Variants in HELZ observed in about 807,000 individuals in gnomAD.
HELZ encodes ATP-dependent RNA helicase with zinc finger domain.
A neutral mutation model predicts 218.2 loss-of-function variants in HELZ; 23 were observed. The observed-to-expected ratio is 0.11, with a 90% confidence interval of 0.08 to 0.15. HELZ has a LOEUF of 0.15. Ranked by LOEUF, HELZ falls within the 10% of genes least tolerant of loss-of-function variation. The probability of loss-of-function intolerance (pLI) is 1.00; values close to 1 mark genes in which losing one functional copy is unlikely to be tolerated. For missense variants in HELZ, 1,813 were observed against 2,353.7 expected (o/e 0.77, Z 4.75); for synonymous variants, 814 against 829.4 (o/e 0.98, Z 0.32).
At chr17:67,089,668 T>TATATAGAGAGAGAGAGAG (rs71293575) in intron 31 of HELZ, among the ~76,000 whole-genome samples, 14 of 70,638 alleles carry the variant, frequency 2.0e-4, no homozygotes, top group African/African-American at 3.0e-4. Context: ...TATATATATA[T>TATATAGAGAGAGAGAGAG]AGAGAGAGAG....
chr17:67,124,122 A>T, intron 24 of HELZ, 108 bp from the exon 25 acceptor site: 1 of 713,188 alleles, frequency 1.4e-6, no homozygotes. Context: ...AATAATTAAA[A>T]TCTAAAAACT....
At chr17:67,164,350 G>A (rs1046570790) in intron 15 of HELZ, among the ~76,000 whole-genome samples, 8 of 152,208 alleles carry the variant, frequency 5.3e-5, no homozygotes. Flanking sequence ...GAGAGCATAT[G>A]AGCTGGACTC....
At chr17:67,242,224 T>C (rs2041332014) in intron 2 of HELZ, among the ~76,000 whole-genome samples, 1 of 152,184 alleles carries the variant, frequency 6.6e-6, no homozygotes, top group Non-Finnish European at 1.5e-5. Context: ...GAGACCAGCC[T>C]GACCAACATG....
intron 3 of HELZ, among the ~76,000 whole-genome samples, chr17:67,225,841 A>C (rs2040874432): frequency 6.6e-6 from 1 of 152,236 alleles, no homozygotes; most frequent in African/African-American, 2.4e-5. Flanking sequence ...AAAATCGATA[A>C]ATTTTATCAA....
intron 7 of HELZ, among the ~76,000 whole-genome samples, chr17:67,195,852 C>CTTTTTTTTTTTT (rs1238942016): frequency 1.2e-5 from 1 of 84,852 alleles, no homozygotes; most frequent in Non-Finnish European, 2.3e-5. Context: ...TTTTTTTTTT[C>CTTTTTTTTTTTT]TTTTTTTTTT....
rs1486661887 is a variant in HELZ, at chr17:67,167,744, C to T, written c.1483G>A (p.Val495Ile). Residue 495 changes from valine to isoleucine, a missense_variant, in exon 14 of 33, where the codon GTT (valine) becomes ATT (isoleucine). By Grantham distance (29) the Val-to-Ile change is conservative (BLOSUM62 3). Coordinates refer to ENST00000358691, the MANE Select transcript of HELZ (RefSeq NM_014877.4). ...QILASFMLTG[V>I]SGGAKYAQNG... is the part of the protein sequence containing the mutation. ...TGAGCATACTTTGCACCTCCAGAAA[C>T]ACCAGTGAGCATGAAGCTTGCCAGA... 6.2e-7 allele frequency: 1 copy of T among 1,613,996 alleles called. No homozygotes were observed. The highest frequency in any genetic ancestry group is 1.1e-5 in the South Asian group (1 of 91,064).
At chr17:67,163,404 C>CTTTTT (rs5821487) in intron 15 of HELZ, among the ~76,000 whole-genome samples, 3 of 151,950 alleles carry the variant, frequency 2.0e-5, no homozygotes, top group Non-Finnish European at 2.9e-5. Flanking sequence ...AACTTAGTAT[C>CTTTTT]TTTTTCTTTT....
At chr17:67,237,460 A>G (rs2041214271) in intron 3 of HELZ, among the ~76,000 whole-genome samples, 1 of 152,182 alleles carries the variant, frequency 6.6e-6, no homozygotes, top group African/African-American at 2.4e-5. Context: ...TAACTTGCTG[A>G]CTTAGCAGTG....
chr17:67,151,981 T>C (rs1393183783), intron 17 of HELZ, among the ~76,000 whole-genome samples: 1 of 152,174 alleles, frequency 6.6e-6, no homozygotes, highest in Non-Finnish European at 1.5e-5. Context: ...TTGTGAGCAA[T>C]CCTTGGGTTT....
chr17:67,202,660 T>C (rs1252630329), intron 6 of HELZ, among the ~76,000 whole-genome samples: 2 of 152,186 alleles, frequency 1.3e-5, no homozygotes, highest in East Asian at 1.9e-4. Flanking sequence ...ATGAAATAAA[T>C]TGTTGAATTT....
chr17:67,094,008 A>G (rs1390080562), intron 31 of HELZ, among the ~76,000 whole-genome samples: 1 of 152,162 alleles, frequency 6.6e-6, no homozygotes, highest in African/African-American at 2.4e-5. Context: ...ATTTACCCAT[A>G]TAACAAACCT....
At chr17:67,185,886 C>T (rs2039740218) in intron 12 of HELZ, among the ~76,000 whole-genome samples, 2 of 152,126 alleles carry the variant, frequency 1.3e-5, no homozygotes, top group Admixed American at 1.3e-4. Flanking sequence ...ATATCCTTGT[C>T]TATATAAATC....
rs2036089420 is a variant in HELZ, at chr17:67,078,605, G to A, written c.5495-19C>T. ...GGTGGCGCTAAAAGCAGAGAACAGT[G>A]ACACAGATTTAAGGATGAGCCCAGC... On this transcript the variant is annotated intron_variant, in intron 32 of 32. Transcript: ENST00000358691. The A allele has an allele frequency of 1.4e-6, 2 of 1,450,032 alleles. No homozygotes were observed. The highest frequency in any genetic ancestry group is 1.4e-5 in the African/African-American group (1 of 69,688). The allele number at this position is 1,450,032 out of a possible 1,614,324, so 89.8% of individuals were successfully genotyped here.
intron 17 of HELZ, among the ~76,000 whole-genome samples, chr17:67,158,218 G>A (rs2038898613): frequency 6.6e-6 from 1 of 152,124 alleles, no homozygotes; most frequent in Admixed American, 6.5e-5. Flanking sequence ...CCTATATCAT[G>A]AAGAGAGCAA....
chr17:67,195,376 C>A, intron 8 of HELZ, 43 bp downstream of exon 8: 1 of 1,212,544 alleles, frequency 8.2e-7, no homozygotes, highest in Non-Finnish European at 1.2e-6. Flanking sequence ...AAGCAAAGCC[C>A]TTATTCACAG....
chr17:67,189,734 C>A (rs773228375), intron 10 of HELZ, 38 bp from the exon 11 acceptor site: 2 of 1,290,736 alleles, frequency 1.5e-6, no homozygotes, highest in African/African-American at 2.9e-5. Context: ...GTTTTTATTG[C>A]TAAGGGCACA....
chr17:67,166,428 C>A, intron 15 of HELZ, 50 bp downstream of exon 15: 1 of 1,485,604 alleles, frequency 6.7e-7, no homozygotes, highest in South Asian at 1.2e-5. Flanking sequence ...TACAGATATT[C>A]AATTTAATAT....
At chr17:67,229,762 T>C (rs11652606) in intron 3 of HELZ, among the ~76,000 whole-genome samples, 29,831 of 152,172 alleles carry the variant, frequency 0.2, 3,035 homozygotes, top group African/African-American at 0.26. Flanking sequence ...AGTCCTATAG[T>C]ATACACAGGC....
Position 67,158,786 on chromosome 17 carries a change from T to A in HELZ, c.2177+1475A>T, listed in dbSNP as rs138677565. On this transcript the variant is annotated intron_variant, in intron 17 of 32. Transcript: ENST00000358691. ...ACTGAACATAACTTCTTATTCTGCA[T>A]ATCTAGATGCACCACATGTTTGATT... is the stretch of plus-strand genomic sequence containing the variant. 9.0e-3 allele frequency among the ~76,000 whole-genome samples: 1,371 copies of A among 152,282 alleles called. 17 individuals carry two copies. The highest frequency in any genetic ancestry group is 0.015 in the Non-Finnish European group (1,032 of 68,018).
Sources: gnomAD v4.1 joint callset for allele counts (sites outside exome capture counted in the v4.1 genomes callset) on GRCh38, gnomAD v4.1.1 for gene constraint, MANE v1.5 for transcripts, NCBI Gene and HGNC (gene_info 2026-07-23, HGNC 2026-07-21) for gene names.